EFCAB7: variants seen among roughly 807,000 people sequenced by gnomAD.
The protein encoded by EFCAB7 is EF-hand calcium-binding domain-containing protein 7.
A neutral mutation model predicts 77.1 loss-of-function variants in EFCAB7; 66 were observed. The observed-to-expected ratio is 0.86, with a 90% CI of 0.70 to 1.05. The LOEUF is 1.05. Ranked by LOEUF, EFCAB7 falls within the 50% of genes least tolerant of loss-of-function variation. The probability of loss-of-function intolerance (pLI) is 0.00; values close to 1 mark genes in which losing one functional copy is unlikely to be tolerated. For missense variants in EFCAB7, 638 were observed against 730.5 expected (o/e 0.87, Z 1.46); for synonymous variants, 225 against 243.3 (o/e 0.92, Z 0.70).
chr1:63,583,580 GGAGGTCAT>G, the EFCAB7 span, among the ~76,000 whole-genome samples: 1 of 152,090 alleles, frequency 6.6e-6, no homozygotes, highest in Non-Finnish European at 1.5e-5. Flanking sequence ...CCTATAGATT[GGAGGTCAT>G]GAGGGCCTTT....
At chr1:63,578,117 G>C in the EFCAB7 span, among the ~76,000 whole-genome samples, 2 of 152,164 alleles carry the variant, frequency 1.3e-5, no homozygotes, top group Non-Finnish European at 2.9e-5. Flanking sequence ...ATGTGGGCTG[G>C]AAGAATCAGG....
At chr1:63,530,507 T>C (rs991818720) in intron 2 of EFCAB7, among the ~76,000 whole-genome samples, 7 of 152,244 alleles carry the variant, frequency 4.6e-5, no homozygotes, top group Non-Finnish European at 8.8e-5. Flanking sequence ...ATTCAACTGT[T>C]CAAAATATCT....
In EFCAB7 at chr1:63,533,529, T is replaced by C. The variant is rs1646726482; in HGVS notation, c.562T>C (p.Leu188=). The change falls in exon 5 of 14, where the codon TTG becomes CTG. Residue 188 remains leucine (L), a synonymous_variant. Coordinates refer to ENST00000371088, the MANE Select transcript of EFCAB7 (RefSeq NM_032437.4). The stretch of plus-strand genomic sequence containing the variant: ...AGAAAAACTAGAGGTTGACAGTAAA[T>C]TGATGCGTCACCAGTTTGGAAACCA... ...TLEKLEVDSK[L]MRHQFGNHIE... 6.2e-7 allele frequency: 1 copy of C among 1,613,272 alleles called. No homozygotes were observed. The highest frequency in any genetic ancestry group is 1.3e-5 in the African/African-American group (1 of 74,862).
chr1:63,568,638 T>A, intron 12 of EFCAB7, 119 bp downstream of exon 12: 2 of 691,064 alleles, frequency 2.9e-6, no homozygotes, highest in Non-Finnish European at 4.4e-6. Flanking sequence ...ATAATGTTTA[T>A]AATGCATAAT....
chr1:63,532,655 GTTT>G lies in EFCAB7; in HGVS notation c.400-6_400-4del. 1.7e-6 allele frequency: 2 copies of G among 1,208,960 alleles called. No individual in the cohort carries two copies. Among genetic ancestry groups the G allele is most frequent in the South Asian group, 1.5e-5 (1 of 65,218 alleles). 74.9% of individuals were successfully genotyped at this position (1,208,960 alleles called of 1,614,324 possible). A position where few individuals can be genotyped will look rare whatever the true frequency, so the allele number is the denominator to read the frequency against. ...ATCATGTTGCTTTAAAATAAATCTT[GTTT>G]TTTTTTTTCAGAGAGGTGAGAAGAT... On this transcript the variant is annotated splice_polypyrimidine_tract_variant and intron_variant, in intron 3 of 13. Coordinates refer to ENST00000371088, the MANE Select transcript of EFCAB7 (RefSeq NM_032437.4).
chr1:63,544,786 C>T (rs11208240), intron 6 of EFCAB7, among the ~76,000 whole-genome samples: 23,424 of 152,234 alleles, frequency 0.15, 2,249 homozygotes, highest in South Asian at 0.22. Context: ...CATTTAAAGT[C>T]ATTTTTTCTT....
intron 6 of EFCAB7, among the ~76,000 whole-genome samples, chr1:63,543,971 C>CTTT (rs35018430): frequency 6.9e-5 from 9 of 131,134 alleles, no homozygotes; most frequent in Admixed American, 1.6e-4. Context: ...TTTCTTTTTT[C>CTTT]TTTTTTTTTT....
chr1:63,562,814 CTT>C, intron 11 of EFCAB7, among the ~76,000 whole-genome samples: 1 of 151,946 alleles, frequency 6.6e-6, no homozygotes, highest in South Asian at 2.1e-4. Context: ...TGTTTATACT[CTT>C]AAAATTAAAA....
chr1:63,567,447 C>G (rs369107976), intron 11 of EFCAB7, among the ~76,000 whole-genome samples: 13 of 151,704 alleles, frequency 8.6e-5, no homozygotes, highest in African/African-American at 3.1e-4. Context: ...GAGCAAAACT[C>G]CATCTCCAAA....
intron 8 of EFCAB7, among the ~76,000 whole-genome samples, chr1:63,553,736 C>T (rs576529193): frequency 7.2e-5 from 11 of 152,242 alleles, no homozygotes; most frequent in African/African-American, 2.6e-4. Flanking sequence ...CTCTGAGTTG[C>T]CAGGGCAGAA....
intron 6 of EFCAB7, chr1:63,536,745 C>A (rs1173752420): frequency 6.6e-6 from 1 of 152,164 alleles, no homozygotes; most frequent in Non-Finnish European, 1.5e-5. Flanking sequence ...ACCTGCTAGA[C>A]AAATTCTAAA....
At chr1:63,570,844 G>T in intron 12 of EFCAB7, 177 bp from the exon 13 acceptor site, 1 of 440,274 alleles carries the variant, frequency 2.3e-6, no homozygotes, top group Non-Finnish European at 4.1e-6. Flanking sequence ...AATGGTGACA[G>T]ATTGGAAAGA....
Position 63,565,358 on chromosome 1 carries a change from C to CAA in EFCAB7, c.1498-2942_1498-2941dup, listed in dbSNP as rs368587363. On this transcript the variant is annotated intron_variant, in intron 11 of 13. Coordinates refer to ENST00000371088, the MANE Select transcript of EFCAB7 (RefSeq NM_032437.4). Reference sequence around the variant, plus strand: ...TGGGCGAGAGTGCGAGACTCCGTCTCAAAAAAAAAAACAACAACAACAAAA... The same window carrying CAA: ...TGGGCGAGAGTGCGAGACTCCGTCTCAAAAAAAAAAAAACAACAACAACAAAA... Among the ~76,000 whole-genome samples, 398 of 129,246 alleles carry CAA rather than the reference C, an allele frequency of 3.1e-3. 1 individual carries two copies. Among genetic ancestry groups the CAA allele is most frequent in the Admixed American group, 4.1e-3 (53 of 12,910 alleles). The allele number at this position is 129,246 out of a possible 152,430, so 84.8% of individuals were successfully genotyped here.
intron 6 of EFCAB7, among the ~76,000 whole-genome samples, chr1:63,545,206 C>T (rs1308437112): frequency 6.6e-6 from 1 of 151,988 alleles, no homozygotes; most frequent in Non-Finnish European, 1.5e-5. Flanking sequence ...TGTGAGCCAC[C>T]GTGCCCAGCC....
the EFCAB7 span, among the ~76,000 whole-genome samples, chr1:63,579,870 A>G: frequency 6.6e-6 from 1 of 152,186 alleles, no homozygotes; most frequent in Non-Finnish European, 1.5e-5. Context: ...TGCTTCTTCA[A>G]GCCTTTTGCC....
Position 63,531,889 on chromosome 1 carries a change from A to C in EFCAB7, c.257A>C (p.Lys86Thr). 3.7e-6 allele frequency: 6 copies of C among 1,613,364 alleles called. No individual in the cohort carries two copies. Among genetic ancestry groups the C allele is most frequent in the Non-Finnish European group, 5.1e-6 (6 of 1,179,548 alleles). ...AAGTATTGGACTCCTCAAACTGCCA[A>C]ACTGAATTTTGATGATTTTTGTATA... The part of the protein sequence containing the change: ...INKYWTPQTA[K>T]LNFDDFCIIL... The change falls in exon 3 of 14, where the codon AAA becomes ACA. Residue 86 changes from lysine to threonine, a missense_variant. Lys to Thr is a moderately conservative substitution (Grantham distance 78). Transcript: ENST00000371088.
chr1:63,551,851 T>TAA lies in EFCAB7; in HGVS notation c.1056+17_1056+18insAA. On this transcript the variant is annotated intron_variant, in intron 8 of 13. Transcript: ENST00000371088. ...AATAGAGAAGTATACATATTTATTT[T>TAA]CTAATGTTTAATTTTTAAATATAGT... 6.8e-7 allele frequency: 1 copy of TAA among 1,469,130 alleles called. No individual in the cohort carries two copies. Among genetic ancestry groups the TAA allele is most frequent in the Non-Finnish European group, 9.2e-7 (1 of 1,090,330 alleles). 91.0% of individuals were successfully genotyped at this position (1,469,130 alleles called of 1,614,324 possible). A position where few individuals can be genotyped will look rare whatever the true frequency, so the allele number is the denominator to read the frequency against.
chr1:63,537,929 A>G (rs1321575649), intron 6 of EFCAB7, among the ~76,000 whole-genome samples: 1 of 152,178 alleles, frequency 6.6e-6, no homozygotes, highest in Non-Finnish European at 1.5e-5. Flanking sequence ...AAAACAAATC[A>G]TTTTCATTCA....
chr1:63,525,783 C>T, intron 2 of EFCAB7, 24 bp downstream of exon 2: 1 of 1,470,368 alleles, frequency 6.8e-7, no homozygotes, highest in Non-Finnish European at 9.1e-7. Flanking sequence ...ATTTTTAAAT[C>T]TTTCACCTTT....
Sources: allele counts gnomAD v4.1 joint callset (sites outside exome capture counted in the v4.1 genomes callset), GRCh38; gene constraint gnomAD v4.1.1; transcripts MANE v1.5; gene names NCBI Gene and HGNC (gene_info 2026-07-23, HGNC 2026-07-21).